The following GCNT4 variants were observed in gnomAD, a reference collection of about 807,000 sequenced individuals.
GCNT4 encodes beta-1,3-galactosyl-O-glycosyl-glycoprotein beta-1,6-N-acetylglucosaminyltransferase 4.
GCNT4 carries 17 observed loss-of-function variants against 31.3 expected under a neutral mutation model. That is an observed-to-expected ratio of 0.54 (90% confidence interval 0.37 to 0.81). The LOEUF (loss-of-function observed/expected upper bound fraction) is 0.81, where lower values mean the gene tolerates loss of function less well. Ranked by LOEUF, GCNT4 falls within the 40% of genes least tolerant of loss-of-function variation. The probability of loss-of-function intolerance (pLI) is 0.00; values close to 1 mark genes in which losing one functional copy is unlikely to be tolerated. For missense variants in GCNT4, 503 were observed against 525.5 expected, an observed-to-expected ratio of 0.96 and a Z score of 0.42; for synonymous variants, 158 against 190.6, an observed-to-expected ratio of 0.83 and a Z score of 1.41.
rs904538965 is a variant in GCNT4, at chr5:75,026,283, C to A, written c.*2393G>T. ...CAGCATTTACGTTTATTCTGATGAG[C>A]AAAGGCATAAAAACCAAGATTTCAA... On this transcript the variant is annotated 3_prime_UTR_variant, in exon 4 of 4. Transcript: ENST00000652361. 2 of 152,112 alleles carry A rather than the reference C, an allele frequency of 1.3e-5. No homozygotes were observed. Among genetic ancestry groups the A allele is most frequent in the Non-Finnish European group, 2.9e-5 (2 of 68,022 alleles). The allele number at this position is 152,112 out of a possible 1,614,324, so 9.4% of individuals were successfully genotyped here.
In GCNT4 at chr5:75,038,031, T is replaced by C. The variant is rs147558140; in HGVS notation, c.-1-7993A>G. ...CCCATCACCTGGCAATAACATCTTGTAGACAGTATATCCTTCCAGACTGGT... is the reference window on the plus strand; with the variant it reads ...CCCATCACCTGGCAATAACATCTTGCAGACAGTATATCCTTCCAGACTGGT... On this transcript the variant is annotated intron_variant, in intron 3 of 3. Transcript: ENST00000652361. Among the ~76,000 whole-genome samples the C allele has an allele frequency of 7.3e-5, 11 of 151,712 alleles. No homozygotes were observed. The East Asian group carries it at 2.1e-3, about 29-fold the overall frequency.
At chr5:75,034,015 C>T (rs1455826405) in intron 3 of GCNT4, among the ~76,000 whole-genome samples, 1 of 152,208 alleles carries the variant, frequency 6.6e-6, no homozygotes, top group African/African-American at 2.4e-5. Context: ...AGGACATGAA[C>T]TCATTCTTTT....
At chr5:75,019,965 G>A in the GCNT4 span, among the ~76,000 whole-genome samples, 1 of 152,174 alleles carries the variant, frequency 6.6e-6, no homozygotes, top group Non-Finnish European at 1.5e-5. Flanking sequence ...TTTGAAAATG[G>A]TTTCACTGTT....
intron 3 of GCNT4, among the ~76,000 whole-genome samples, chr5:75,046,082 G>A (rs973972531): frequency 1.3e-5 from 2 of 152,090 alleles, no homozygotes; most frequent in African/African-American, 4.8e-5. Flanking sequence ...CCATCTTTCA[G>A]CTCTACAATC....
chr5:75,038,392 T>TA (rs1397806563), intron 3 of GCNT4, among the ~76,000 whole-genome samples: 3 of 152,242 alleles, frequency 2.0e-5, no homozygotes, highest in African/African-American at 7.2e-5. Flanking sequence ...TAAATGTGTC[T>TA]AGCCATCATT....
chr5:75,032,133 T>C (rs1333896767), intron 3 of GCNT4, among the ~76,000 whole-genome samples: 11 of 152,124 alleles, frequency 7.2e-5, no homozygotes, highest in Admixed American at 7.2e-4. Flanking sequence ...CACCATCAAC[T>C]GTACTGCAGA....
rs1742930983 is a variant in GCNT4 at position 75,025,450 on chromosome 5, G to A, written c.*3226C>T. 6.6e-6 allele frequency: 1 copy of A among 152,100 alleles called. No individual in the cohort carries two copies. The highest frequency in any genetic ancestry group is 2.4e-5 in the African/African-American group (1 of 41,474). 9.4% of individuals were successfully genotyped at this position (152,100 alleles called of 1,614,324 possible). On this transcript the variant is annotated 3_prime_UTR_variant, in exon 4 of 4. Transcript: ENST00000652361. The stretch of plus-strand genomic sequence containing the variant: ...CAATCTATTTAAAACTCATGTAATG[G>A]GAACTGTATTTCAAAAATGATAAGA...
intron 3 of GCNT4, among the ~76,000 whole-genome samples, chr5:75,040,532 A>G (rs983707762): frequency 2.0e-5 from 3 of 152,330 alleles, no homozygotes; most frequent in African/African-American, 7.2e-5. Flanking sequence ...TGACTCTAGC[A>G]TATCACTTAA....
At position 75,028,974 on chromosome 5, in the gene GCNT4, G is replaced by C. The variant is rs1743004316; in HGVS notation, c.1064C>G (p.Ser355Ter). ...CTGCAGATCAGACACATCCTGGGCT[G>C]ATCTGGAAATCTCCCCAGGTATTCC... ...VPGIPGEISR[S>*]AQDVSDLQSK... Residue 355 changes from serine to a stop codon, truncating the protein, a stop_gained, in exon 4 of 4, where the codon TCA (serine) becomes TGA (stop). Transcript: ENST00000652361. LOFTEE classifies it high-confidence loss of function. The C allele has an allele frequency of 6.2e-7, 1 of 1,613,890 alleles. No homozygotes were observed. Among genetic ancestry groups the C allele is most frequent in the African/African-American group, 1.3e-5 (1 of 74,910 alleles).
At chr5:75,039,772 C>T (rs1278649059) in intron 3 of GCNT4, among the ~76,000 whole-genome samples, 3 of 152,208 alleles carry the variant, frequency 2.0e-5, no homozygotes, top group Non-Finnish European at 4.4e-5. Context: ...AATAACCTTA[C>T]CTGGCTTCCC....
intron 3 of GCNT4, among the ~76,000 whole-genome samples, chr5:75,033,981 C>T (rs1320639521): frequency 1.3e-5 from 2 of 152,162 alleles, no homozygotes; most frequent in African/African-American, 4.8e-5. Context: ...ATGATGGCTT[C>T]CCACTTCATC....
chr5:75,033,510 C>T lies in GCNT4; in HGVS notation c.-1-3472G>A, dbSNP rs77573424. Among the ~76,000 whole-genome samples, 1,039 of 152,222 alleles carry T rather than the reference C, an allele frequency of 6.8e-3. 15 individuals carry two copies. Among genetic ancestry groups the T allele is most frequent in the African/African-American group, 0.024 (984 of 41,522 alleles). ...GGCACCTCGCTTTCTGATATACCTT[C>T]GCCCAAGGCATCTTTAAGGGGGAGA... On this transcript the variant is annotated intron_variant, in intron 3 of 3. Coordinates refer to ENST00000652361, the MANE Select transcript of GCNT4 (RefSeq NM_001366737.1).
chr5:75,018,565 C>T, the GCNT4 span, among the ~76,000 whole-genome samples: 4 of 152,028 alleles, frequency 2.6e-5, no homozygotes, highest in African/African-American at 4.8e-5. Flanking sequence ...GTGATCCCCC[C>T]CAAAGTGCTG....
At position 75,052,244 on chromosome 5, in the gene GCNT4, C is replaced by CAAAA. The variant is rs200517667; in HGVS notation, c.-201-21_-201-18dup. ...TTTGTTGTTCTTCCATTTTTAAAGA[C>CAAAA]AAAAAAAAAAAAAAAAAGAAAAAGA... On this transcript the variant is annotated splice_polypyrimidine_tract_variant and intron_variant, in intron 1 of 3. Transcript: ENST00000652361. 1.1e-5 allele frequency: 1 copy of CAAAA among 95,166 alleles called. No individual in the cohort carries two copies. 5.9% of individuals were successfully genotyped at this position (95,166 alleles called of 1,614,324 possible).
At chr5:75,046,253 A>T (rs1743435367) in intron 3 of GCNT4, among the ~76,000 whole-genome samples, 1 of 152,208 alleles carries the variant, frequency 6.6e-6, no homozygotes, top group Non-Finnish European at 1.5e-5. Context: ...CTAAAGGAAG[A>T]AGGAACCTGG....
chr5:75,020,207 G>A, the GCNT4 span, among the ~76,000 whole-genome samples: 1 of 152,190 alleles, frequency 6.6e-6, no homozygotes, highest in African/African-American at 2.4e-5. Flanking sequence ...TTGGCTCTGA[G>A]CCCCTATTGT....
intron 3 of GCNT4, among the ~76,000 whole-genome samples, chr5:75,034,019 T>C (rs941211644): frequency 6.6e-6 from 1 of 152,232 alleles, no homozygotes; most frequent in Non-Finnish European, 1.5e-5. Flanking sequence ...CATGAACTCA[T>C]TCTTTTTTAT....
chr5:75,018,833 A>G, the GCNT4 span, among the ~76,000 whole-genome samples: 23,887 of 152,010 alleles, frequency 0.16, 2,663 homozygotes, highest in African/African-American at 0.31. Context: ...GGAGTAAGGA[A>G]GTGAGGGGAG....
intron 3 of GCNT4, among the ~76,000 whole-genome samples, chr5:75,040,218 G>T (rs922345430): frequency 6.8e-6 from 1 of 146,988 alleles, no homozygotes; most frequent in Non-Finnish European, 1.5e-5. Context: ...TCGCACTGTC[G>T]CTTAGGCTGG....
Sources: allele counts gnomAD v4.1 joint callset (sites outside exome capture counted in the v4.1 genomes callset), GRCh38; gene constraint gnomAD v4.1.1; transcripts MANE v1.5; gene names NCBI Gene and HGNC (gene_info 2026-07-23, HGNC 2026-07-21).